Variants in BCKDHB observed in about 807,000 individuals in gnomAD.
BCKDHB encodes the protein branched chain keto acid dehydrogenase E1 subunit beta.
In BCKDHB, 41 loss-of-function variants were observed where a neutral mutation model predicts 48.5. The observed-to-expected ratio is 0.85, with a 90% CI of 0.66 to 1.10. The LOEUF is 1.10. Among genes scored for constraint, BCKDHB ranks in the 50% least tolerant of loss-of-function variants. The pLI is 0.00. For synonymous variants in BCKDHB, 201 were observed against 174.8 expected (o/e 1.15, Z -1.18); for missense variants, 496 against 494.2 (o/e 1.00, Z -0.03).
chr6:80,167,997 G>A (rs753256444), intron 4 of BCKDHB, among the ~76,000 whole-genome samples, 186 bp downstream of exon 4: 2 of 152,190 alleles, frequency 1.3e-5, no homozygotes, highest in South Asian at 2.1e-4. Context: ...AGATAGATTG[G>A]GATTGGGTGA....
intron 9 of BCKDHB, among the ~76,000 whole-genome samples, chr6:80,281,456 C>T (rs944080306): frequency 1.3e-5 from 2 of 152,100 alleles, no homozygotes; most frequent in African/African-American, 2.4e-5. Context: ...GACTAATGGT[C>T]CTACCTTGCA....
At chr6:80,298,629 A>G (rs1426952514) in intron 9 of BCKDHB, among the ~76,000 whole-genome samples, 1 of 152,210 alleles carries the variant, frequency 6.6e-6, no homozygotes, top group Non-Finnish European at 1.5e-5. Flanking sequence ...AGACCAAAAG[A>G]AAGTACTGCC....
the BCKDHB span, among the ~76,000 whole-genome samples, chr6:80,431,959 T>C: frequency 6.6e-6 from 1 of 152,208 alleles, no homozygotes; most frequent in Non-Finnish European, 1.5e-5. Context: ...TGAAGCTTAG[T>C]TTGGCTTGAT....
intron 8 of BCKDHB, among the ~76,000 whole-genome samples, chr6:80,219,707 G>A (rs1299888518): frequency 6.6e-6 from 1 of 152,112 alleles, no homozygotes; most frequent in Non-Finnish European, 1.5e-5. Context: ...GGGCATATTG[G>A]GTGCAGGAGG....
At chr6:80,159,836 G>T (rs1772226712) in intron 3 of BCKDHB, among the ~76,000 whole-genome samples, 1 of 152,150 alleles carries the variant, frequency 6.6e-6, no homozygotes, top group African/African-American at 2.4e-5. Context: ...CAGAGACTGG[G>T]ACCTGAGCTG....
At chr6:80,287,337 T>C (rs1248970586) in intron 9 of BCKDHB, among the ~76,000 whole-genome samples, 1 of 152,192 alleles carries the variant, frequency 6.6e-6, no homozygotes, top group Non-Finnish European at 1.5e-5. Context: ...TAGTATGCAA[T>C]TAAAATTTAA....
chr6:80,113,723 AAATG>A (rs1375064299), intron 1 of BCKDHB, among the ~76,000 whole-genome samples: 1 of 152,210 alleles, frequency 6.6e-6, no homozygotes, highest in Non-Finnish European at 1.5e-5. Context: ...AACAAGGAAA[AAATG>A]AAGCAACAAA....
chr6:80,374,763 AAGG>A, the BCKDHB span, among the ~76,000 whole-genome samples: 2 of 152,162 alleles, frequency 1.3e-5, no homozygotes, highest in Non-Finnish European at 2.9e-5. Flanking sequence ...TGTACGCTTT[AAGG>A]AGATTTTATT....
rs398124594 is a variant in BCKDHB, at chr6:80,200,990, C to G, written c.799C>G (p.Gln267Glu). The change falls in exon 7 of 10, where the codon CAG (glutamine) becomes GAG (glutamate). Residue 267 changes from glutamine to glutamate, a missense_variant. Coordinates refer to ENST00000320393, the MANE Select transcript of BCKDHB (RefSeq NM_183050.4). ...NIPLSQAEVI[Q>E]EGSDVTLVAW... ...CCCACTGTCCCAGGCCGAAGTCATA[C>G]AGGAAGGGAGTGATGTTACTCTAGT... 3.7e-6 allele frequency: 6 copies of G among 1,612,802 alleles called. No homozygotes were observed. The South Asian group carries it at 5.5e-5, about 15-fold the overall frequency.
intron 3 of BCKDHB, among the ~76,000 whole-genome samples, chr6:80,139,864 G>C (rs1386097196): frequency 1.3e-5 from 2 of 152,126 alleles, no homozygotes; most frequent in Non-Finnish European, 2.9e-5. Flanking sequence ...GCTTGATGGG[G>C]ATGGCATTGA....
intron 8 of BCKDHB, 110 bp downstream of exon 8, chr6:80,203,322 T>G: frequency 2.4e-6 from 2 of 834,194 alleles, no homozygotes; most frequent in South Asian, 2.9e-5. Flanking sequence ...GCATTTTCAA[T>G]TGATTTAAAA....
intron 8 of BCKDHB, among the ~76,000 whole-genome samples, chr6:80,253,826 A>G (rs1377358925): frequency 1.3e-5 from 2 of 152,040 alleles, no homozygotes; most frequent in African/African-American, 2.4e-5. Context: ...TTTTAATCCT[A>G]TAGGAGAGGA....
the BCKDHB span, among the ~76,000 whole-genome samples, chr6:80,419,146 C>T: frequency 3.8e-3 from 571 of 152,266 alleles, 3 homozygotes; most frequent in African/African-American, 0.013. Flanking sequence ...TGCACTCTCA[C>T]GTGCTGACAG....
the BCKDHB span, among the ~76,000 whole-genome samples, chr6:80,399,029 G>T: frequency 2.1e-4 from 32 of 152,152 alleles, no homozygotes; most frequent in African/African-American, 7.0e-4. Flanking sequence ...CAATAGGGCA[G>T]AAAAGGCTTT....
rs1770049874 is a variant in BCKDHB, at chr6:80,343,885, A to G, written c.*81A>G. On this transcript the variant is annotated 3_prime_UTR_variant, in exon 10 of 10. Coordinates refer to ENST00000320393, the MANE Select transcript of BCKDHB (RefSeq NM_183050.4). ...TACTGTTAACCAAGACACAGCAATC[A>G]TCAGTGTTTTGATGGTAACAAACTT... The G allele has an allele frequency of 1.3e-5, 20 of 1,533,642 alleles. No homozygotes were observed. Among genetic ancestry groups the G allele is most frequent in the Non-Finnish European group, 1.8e-5 (20 of 1,107,726 alleles).
At chr6:80,462,583 T>G in the BCKDHB span, among the ~76,000 whole-genome samples, 1 of 152,194 alleles carries the variant, frequency 6.6e-6, no homozygotes, top group South Asian at 2.1e-4. Flanking sequence ...TGAAAGCACA[T>G]AGCCAGTGTT....
At chr6:80,295,706 A>G (rs945974166) in intron 9 of BCKDHB, among the ~76,000 whole-genome samples, 1 of 152,202 alleles carries the variant, frequency 6.6e-6, no homozygotes, top group Non-Finnish European at 1.5e-5. Context: ...CTAGTTTGCA[A>G]ATTTGGAGAA....
chr6:80,362,068 A>C, the BCKDHB span, among the ~76,000 whole-genome samples: 1 of 152,256 alleles, frequency 6.6e-6, no homozygotes, highest in African/African-American at 2.4e-5. Flanking sequence ...TCAAAATGAG[A>C]TTCTGACCTG....
intron 8 of BCKDHB, among the ~76,000 whole-genome samples, chr6:80,267,306 C>T (rs1364008878): frequency 6.6e-6 from 1 of 152,016 alleles, no homozygotes; most frequent in African/African-American, 2.4e-5. Flanking sequence ...GATTCTTGCC[C>T]TTGTAACCTG....
Sources: gnomAD v4.1 joint callset for allele counts (sites outside exome capture counted in the v4.1 genomes callset) on GRCh38, gnomAD v4.1.1 for gene constraint, MANE v1.5 for transcripts, NCBI Gene and HGNC (gene_info 2026-07-23, HGNC 2026-07-21) for gene names.